TRPC5: variants seen among roughly 807,000 people sequenced by gnomAD.
The protein encoded by TRPC5 is transient receptor potential cation channel subfamily C member 5, also known as short transient receptor potential channel 5.
A neutral mutation model predicts 56.5 loss-of-function variants in TRPC5; 9 were observed. The ratio of observed to expected loss-of-function variants is 0.16; its 90% CI spans 0.10 to 0.28. TRPC5 has a LOEUF of 0.28. Ranked by LOEUF, TRPC5 falls within the 10% of genes least tolerant of loss-of-function variation. TRPC5 has a pLI of 1.00. For synonymous variants in TRPC5, 282 were observed against 278.5 expected, an observed-to-expected ratio of 1.01 and a Z score of -0.13; for missense variants, 469 against 748.9, an observed-to-expected ratio of 0.63 and a Z score of 4.36.
chrX:111,945,865 A>G (rs1926921169), intron 2 of TRPC5, among the ~76,000 whole-genome samples: 2 of 112,224 alleles, frequency 1.8e-5, no homozygotes, highest in African/African-American at 3.2e-5. Context: ...AGTGAAAAAG[A>G]GTAGTTGTTT....
At chrX:112,063,372 G>T (rs1930502060) in intron 1 of TRPC5, among the ~76,000 whole-genome samples, 1 of 111,590 alleles carries the variant, frequency 9.0e-6, no homozygotes, top group Non-Finnish European at 1.9e-5. Flanking sequence ...TCCATTCAGG[G>T]GCTAAATAAC....
chrX:111,865,822 C>G (rs1158991972), intron 3 of TRPC5, among the ~76,000 whole-genome samples: 1 of 112,422 alleles, frequency 8.9e-6, no homozygotes, highest in East Asian at 2.8e-4. Flanking sequence ...ATTCTTCCTT[C>G]CTTAGTGTGT....
chrX:112,063,899 T>C (rs983984075), intron 1 of TRPC5, among the ~76,000 whole-genome samples: 1 of 111,547 alleles, frequency 9.0e-6, no homozygotes. Flanking sequence ...TCACGCCATT[T>C]TCCTGCCTTG....
intron 3 of TRPC5, among the ~76,000 whole-genome samples, chrX:111,875,572 CTTTTTTTT>C (rs771241425): frequency 2.8e-5 from 2 of 70,491 alleles, no homozygotes; most frequent in Non-Finnish European, 5.3e-5. Context: ...TTTTTTCTTT[CTTTTTTTT>C]TTTTTTTTTT....
At chrX:112,066,084 G>A (rs73550151) in intron 1 of TRPC5, among the ~76,000 whole-genome samples, 9,569 of 103,878 alleles carry the variant, frequency 0.092, 1,049 homozygotes, top group African/African-American at 0.31. Context: ...CCTGATGGCC[G>A]TTCTCTGCTT....
intron 1 of TRPC5, among the ~76,000 whole-genome samples, chrX:112,046,213 T>G (rs887772758): frequency 6.0e-5 from 6 of 100,110 alleles, no homozygotes; most frequent in Non-Finnish European, 1.2e-4. Flanking sequence ...TTTTTTTTTT[T>G]GCTTTATTTC....
intron 3 of TRPC5, among the ~76,000 whole-genome samples, chrX:111,867,962 T>C (rs1225427067): frequency 8.9e-6 from 1 of 112,522 alleles, no homozygotes; most frequent in Admixed American, 9.4e-5. Context: ...AAGCAGTTTA[T>C]ATGTATTAAC....
chrX:112,023,590 T>C (rs1186001819), intron 1 of TRPC5, among the ~76,000 whole-genome samples: 1 of 111,258 alleles, frequency 9.0e-6, no homozygotes, highest in African/African-American at 3.3e-5. Context: ...CAATTTATAC[T>C]ATTCTGACTC....
At chrX:111,910,347 T>A (rs1418269687) in intron 3 of TRPC5, among the ~76,000 whole-genome samples, 1 of 110,961 alleles carries the variant, frequency 9.0e-6, no homozygotes, top group African/African-American at 3.3e-5. Context: ...AAAGTGTAGA[T>A]ACGGCAGACT....
chrX:112,033,275 G>A (rs1929635216), intron 1 of TRPC5, among the ~76,000 whole-genome samples: 1 of 106,241 alleles, frequency 9.4e-6, no homozygotes, highest in Non-Finnish European at 1.9e-5. Context: ...TGTAAATGAC[G>A]AGTTAACGGG....
intron 2 of TRPC5, among the ~76,000 whole-genome samples, chrX:111,948,506 C>T (rs775958524): frequency 1.4e-4 from 15 of 110,630 alleles, no homozygotes; most frequent in African/African-American, 4.3e-4. Context: ...CTGAGGTGGG[C>T]GGATTGCCTG....
intron 7 of TRPC5, among the ~76,000 whole-genome samples, chrX:111,807,434 T>TA (rs146360319): frequency 1.8e-5 from 2 of 112,544 alleles, no homozygotes; most frequent in Non-Finnish European, 1.9e-5. Context: ...TCTATCTTTT[T>TA]AAAAAAATGT....
chrX:111,795,316 A>G (rs1437718586), intron 7 of TRPC5, among the ~76,000 whole-genome samples: 1 of 110,591 alleles, frequency 9.0e-6, no homozygotes, highest in African/African-American at 3.3e-5. Flanking sequence ...GTTACATTCT[A>G]TTCCTAGTTT....
intron 1 of TRPC5, among the ~76,000 whole-genome samples, chrX:111,983,101 C>T (rs1480300949): frequency 2.7e-5 from 3 of 111,621 alleles, no homozygotes; most frequent in Non-Finnish European, 3.8e-5. Flanking sequence ...ACTGCTATAC[C>T]TCTTTTGCTG....
chrX:111,806,650 A>T (rs1921522920), intron 7 of TRPC5, among the ~76,000 whole-genome samples: 1 of 111,838 alleles, frequency 8.9e-6, no homozygotes, highest in South Asian at 3.7e-4. Context: ...TTAAATGTAA[A>T]CTTGACAAAA....
At chrX:111,914,663 A>C in intron 2 of TRPC5, among the ~76,000 whole-genome samples, 1 of 112,513 alleles carries the variant, frequency 8.9e-6, no homozygotes, top group Non-Finnish European at 1.9e-5. Context: ...TTAAACATTT[A>C]GAGGGAGCAG....
intron 3 of TRPC5, among the ~76,000 whole-genome samples, chrX:111,864,245 C>A (rs1049383420): frequency 8.9e-6 from 1 of 111,982 alleles, no homozygotes. Flanking sequence ...GCCTCCACCT[C>A]CCAAAGTGCT....
In TRPC5 at chrX:111,968,326, C is replaced by G. The variant is rs369943626; in HGVS notation, c.-21-15885G>C. On this transcript the variant is annotated intron_variant, in intron 1 of 10. Coordinates refer to ENST00000262839, the MANE Select transcript of TRPC5 (RefSeq NM_012471.3). ...CAATCATTAAAAAGTCAGGAAACAA[C>G]AGGTGCTGGAAAGCATGTGGAGAAA... Among the ~76,000 whole-genome samples, 22 of 111,447 alleles carry G rather than the reference C, an allele frequency of 2.0e-4. No individual in the cohort carries two copies. In the East Asian group the frequency reaches 5.1e-3, roughly 26 times the overall value.
At chrX:111,825,151 CTTTCTTTCTTTCTTT>C (rs1569525907) in intron 7 of TRPC5, among the ~76,000 whole-genome samples, 588 of 22,136 alleles carry the variant, frequency 0.027, 31 homozygotes, top group South Asian at 0.037. Flanking sequence ...TCCTTCCTTT[CTTTCTTTCTTTCTTT>C]CTTTCTTTCT....
Sources: gnomAD v4.1 joint callset for allele counts (sites outside exome capture counted in the v4.1 genomes callset) on GRCh38, gnomAD v4.1.1 for gene constraint, MANE v1.5 for transcripts, NCBI Gene and HGNC (gene_info 2026-07-23, HGNC 2026-07-21) for gene names.